The following ZNF536 variants were observed in gnomAD, a reference collection of about 807,000 sequenced individuals.
ZNF536 encodes zinc finger protein 536.
In ZNF536, 13 loss-of-function variants were observed where a neutral mutation model predicts 84.5. That is an observed-to-expected ratio of 0.15 (90% CI 0.10 to 0.24). The LOEUF (loss-of-function observed/expected upper bound fraction) is 0.24, where lower values mean the gene tolerates loss of function less well. ZNF536 is among the 10% of genes least tolerant of loss of function. The pLI is 1.00. For synonymous variants in ZNF536, 811 were observed against 742.5 expected, an observed-to-expected ratio of 1.09 and a Z score of -1.50; for missense variants, 1,536 against 1,747.5, an observed-to-expected ratio of 0.88 and a Z score of 2.16.
At chr19:30,480,679 AC>A (rs2054043783) in intron 2 of ZNF536, among the ~76,000 whole-genome samples, 1 of 152,242 alleles carries the variant, frequency 6.6e-6, no homozygotes, top group African/African-American at 2.4e-5. Context: ...ACAAACCTGC[AC>A]GTTCTGCACA....
intron 1 of ZNF536, among the ~76,000 whole-genome samples, chr19:30,229,927 G>T (rs2022910033): frequency 6.6e-6 from 1 of 152,172 alleles, no homozygotes; most frequent in Admixed American, 6.5e-5. Flanking sequence ...AGGCCCCTGG[G>T]CTGAGGGACC....
At chr19:30,673,235 G>C (rs1475244677) in intron 1 of ZNF536, among the ~76,000 whole-genome samples, 7 of 152,200 alleles carry the variant, frequency 4.6e-5, no homozygotes, top group Non-Finnish European at 8.8e-5. Flanking sequence ...ACATGAAATA[G>C]TGACAGATCT....
At chr19:30,694,289 T>C (rs1271442340) in intron 1 of ZNF536, among the ~76,000 whole-genome samples, 1 of 152,194 alleles carries the variant, frequency 6.6e-6, no homozygotes, top group Non-Finnish European at 1.5e-5. Context: ...AGCGACACAA[T>C]GGAAAACAGG....
At chr19:30,455,604 G>A (rs2052803781) in intron 2 of ZNF536, among the ~76,000 whole-genome samples, 1 of 152,138 alleles carries the variant, frequency 6.6e-6, no homozygotes, top group Non-Finnish European at 1.5e-5. Flanking sequence ...GGGAGGGTGA[G>A]GTGAGAAGAT....
At chr19:30,666,100 G>A (rs1182238725) in intron 1 of ZNF536, among the ~76,000 whole-genome samples, 1 of 152,204 alleles carries the variant, frequency 6.6e-6, no homozygotes, top group Admixed American at 6.5e-5. Context: ...TGTTGCTTTA[G>A]GGTTGATCTA....
intron 1 of ZNF536, among the ~76,000 whole-genome samples, chr19:30,431,105 T>A (rs572544894): frequency 6.6e-6 from 1 of 152,192 alleles, no homozygotes; most frequent in Non-Finnish European, 1.5e-5. Context: ...GTCCCTGGAA[T>A]CCATCTATGG....
At chr19:30,231,960 G>A (rs1488903484) in intron 1 of ZNF536, among the ~76,000 whole-genome samples, 1 of 152,150 alleles carries the variant, frequency 6.6e-6, no homozygotes. Context: ...GAGGGGTTGG[G>A]GTGGAAATAA....
chr19:30,409,997 A>G (rs1222012896), intron 1 of ZNF536, among the ~76,000 whole-genome samples: 1 of 152,072 alleles, frequency 6.6e-6, no homozygotes, highest in Non-Finnish European at 1.5e-5. Context: ...ATCTCTTCAT[A>G]CATCAGAGAT....
intron 1 of ZNF536, among the ~76,000 whole-genome samples, chr19:30,377,524 G>A (rs1468527858): frequency 5.3e-5 from 8 of 152,108 alleles, no homozygotes; most frequent in African/African-American, 1.4e-4. Flanking sequence ...ACGGCTACTC[G>A]TAGACAGAGT....
intron 1 of ZNF536, among the ~76,000 whole-genome samples, chr19:30,579,163 G>A (rs899780512): frequency 1.3e-5 from 2 of 152,148 alleles, no homozygotes; most frequent in South Asian, 2.1e-4. Flanking sequence ...TCTATCTTTG[G>A]AGTGTAAGAG....
chr19:30,402,856 C>T (rs1600580003), intron 1 of ZNF536, among the ~76,000 whole-genome samples: 1 of 139,760 alleles, frequency 7.2e-6, no homozygotes, highest in African/African-American at 2.5e-5. Context: ...CTAAACTGCT[C>T]TCCTGTTTAG....
At chr19:30,676,970 T>A (rs2050775018) in intron 1 of ZNF536, among the ~76,000 whole-genome samples, 2 of 152,198 alleles carry the variant, frequency 1.3e-5, no homozygotes, top group African/African-American at 4.8e-5. Flanking sequence ...CCTCCCAAAG[T>A]GCTGGGATAA....
downstream of ZNF536, among the ~76,000 whole-genome samples, chr19:30,559,888 G>C (rs926405291): frequency 1.3e-5 from 2 of 152,104 alleles, no homozygotes; most frequent in Non-Finnish European, 2.9e-5. Context: ...TCTAAAGCAG[G>C]GGGTATTTCC....
At chr19:30,572,584 C>T (rs2046587694) in intron 1 of ZNF536, among the ~76,000 whole-genome samples, 1 of 152,188 alleles carries the variant, frequency 6.6e-6, no homozygotes, top group African/African-American at 2.4e-5. Context: ...GTTACTTGTC[C>T]ATGTACTTTA....
Position 30,445,361 on chromosome 19 carries a change from C to T in ZNF536, c.1799C>T (p.Pro600Leu), listed in dbSNP as rs1198413386. ...AGAGACCTGCCAAGTAAGCTCGACC[C>T]TTTAGAAAGCAGTCGGGATTTTTTG... ...SQRDLPSKLD[P>L]LESSRDFLSH... Residue 600 changes from proline to leucine, a missense_variant, in exon 2 of 5, where the codon CCT (proline) becomes CTT (leucine). Pro to Leu is a moderately conservative substitution (Grantham distance 98). Transcript: ENST00000355537. The surrounding 1 kb of genome is among the most constrained non-coding windows in gnomAD (Gnocchi z 4.5). 6.2e-7 allele frequency: 1 copy of T among 1,614,164 alleles called. No homozygotes were observed. The highest frequency in any genetic ancestry group is 8.5e-7 in the Non-Finnish European group (1 of 1,180,032).
chr19:30,264,676 A>G (rs1335804095), intron 1 of ZNF536, among the ~76,000 whole-genome samples: 1 of 152,070 alleles, frequency 6.6e-6, no homozygotes, highest in Non-Finnish European at 1.5e-5. Flanking sequence ...CACCCACCCC[A>G]GTCTGGTGAG....
In ZNF536 at chr19:30,582,662, TCA is replaced by T. The variant is rs1340116145; in HGVS notation, c.169+33151_169+33152del. On this transcript the variant is annotated intron_variant, in intron 1 of 1. Coordinates refer to the ZNF536 transcript ENST00000592773. ...ATAAAGAAAAAGAGGTTTAATGGAC[TCA>T]CAGTTCTTTGTGACTGGGGAGGCCT... Among the ~76,000 whole-genome samples the T allele has an allele frequency of 5.3e-5, 8 of 152,178 alleles. No individual in the cohort carries two copies. In the East Asian group the frequency reaches 1.5e-3, roughly 29 times the overall value.
At position 30,557,351 on chromosome 19, in the gene ZNF536, A is replaced by G; in HGVS notation, c.*187A>G. On this transcript the variant is annotated 3_prime_UTR_variant, in exon 5 of 5. Transcript: ENST00000355537. ...CACCAATCTACAGTATATATAGCAG[A>G]GAATCAGAGGCTAAAAATATTACCC... 1.8e-6 allele frequency: 1 copy of G among 549,152 alleles called. No homozygotes were observed. Among genetic ancestry groups the G allele is most frequent in the South Asian group, 4.0e-5 (1 of 24,752 alleles). 34.0% of individuals were successfully genotyped at this position (549,152 alleles called of 1,614,324 possible).
chr19:30,572,996 A>C (rs927206259), intron 1 of ZNF536, among the ~76,000 whole-genome samples: 8 of 152,096 alleles, frequency 5.3e-5, no homozygotes, highest in African/African-American at 1.7e-4. Flanking sequence ...GGTTGCTCAG[A>C]CCCACCTGCA....
Sources: allele counts gnomAD v4.1 joint callset (sites outside exome capture counted in the v4.1 genomes callset), GRCh38; gene constraint gnomAD v4.1.1; non-coding constraint Gnocchi (gnomAD v3.1); transcripts MANE v1.5; gene names NCBI Gene and HGNC (gene_info 2026-07-23, HGNC 2026-07-21).